APELA: variants seen among roughly 807,000 people sequenced by gnomAD.
The protein encoded by APELA is protein Elabela.
intron 2 of APELA, among the ~76,000 whole-genome samples, chr4:164,881,793 G>C (rs997558544): frequency 6.6e-6 from 1 of 151,842 alleles, no homozygotes; most frequent in Non-Finnish European, 1.5e-5. Flanking sequence ...CCAGCACTTT[G>C]GGAGGCAGAG....
intron 2 of APELA, among the ~76,000 whole-genome samples, chr4:164,882,173 G>A (rs1031115987): frequency 1.3e-5 from 2 of 151,690 alleles, no homozygotes; most frequent in Non-Finnish European, 2.9e-5. Context: ...GTGCCATCTC[G>A]GCTCACCGGA....
At chr4:164,882,751 C>G (rs745335212) in intron 2 of APELA, among the ~76,000 whole-genome samples, 3 of 152,046 alleles carry the variant, frequency 2.0e-5, no homozygotes, top group Non-Finnish European at 4.4e-5. Flanking sequence ...CCCCACTCCC[C>G]CCACCCCACA....
intron 2 of APELA, among the ~76,000 whole-genome samples, chr4:164,881,911 T>C (rs189185349): frequency 0.019 from 2,801 of 150,328 alleles, 81 homozygotes; most frequent in African/African-American, 0.064. Flanking sequence ...TGGTGGCGTG[T>C]GCCTCTAGTC....
intron 2 of APELA, among the ~76,000 whole-genome samples, chr4:164,886,839 G>A (rs116078598): frequency 0.11 from 16,490 of 150,304 alleles, 938 homozygotes; most frequent in Middle Eastern, 0.15. Context: ...TTTTTTTTTG[G>A]GACAGAGTTC....
chr4:164,890,788 C>T (rs548427335), intron 2 of APELA, among the ~76,000 whole-genome samples: 27 of 152,276 alleles, frequency 1.8e-4, no homozygotes, highest in African/African-American at 6.3e-4. Flanking sequence ...TATGGTTATG[C>T]TATGTGTAAC....
chr4:164,885,811 C>T (rs1560858826), intron 2 of APELA, among the ~76,000 whole-genome samples: 1 of 151,890 alleles, frequency 6.6e-6, no homozygotes, highest in Non-Finnish European at 1.5e-5. Flanking sequence ...AAATTTAAGA[C>T]TTGTTCTCAC....
intron 2 of APELA, among the ~76,000 whole-genome samples, chr4:164,894,612 C>T (rs1172796552): frequency 1.3e-5 from 2 of 152,014 alleles, no homozygotes; most frequent in African/African-American, 2.4e-5. Context: ...ACCATGTTGG[C>T]CAGGCTGGTC....
Position 164,897,232 on chromosome 4 carries a change from A to T in APELA, c.*1818A>T, listed in dbSNP as rs1730995093. On this transcript the variant is annotated 3_prime_UTR_variant, in exon 3 of 3. Transcript: ENST00000507152. ...ACACTGTCGAGTTTGTCTTCCTGTCAAAGCTTATTAAAAGTGTCTTTGCGG... is the reference window on the plus strand; with the variant it reads ...ACACTGTCGAGTTTGTCTTCCTGTCTAAGCTTATTAAAAGTGTCTTTGCGG... 3 of 152,232 alleles carry T rather than the reference A, an allele frequency of 2.0e-5. No individual in the cohort carries two copies. The highest frequency in any genetic ancestry group is 2.0e-4 in the Admixed American group (3 of 15,264). The allele number at this position is 152,232 out of a possible 1,614,324, so 9.4% of individuals were successfully genotyped here.
chr4:164,878,868 A>C (rs1238190053), intron 1 of APELA, 52 bp from the exon 2 acceptor site: 1 of 398,766 alleles, frequency 2.5e-6, no homozygotes, highest in African/African-American at 2.1e-5. Context: ...TAGATTAAAC[A>C]ACAATTAAGC....
intron 2 of APELA, among the ~76,000 whole-genome samples, chr4:164,889,902 A>G (rs1730848635): frequency 6.6e-6 from 1 of 152,224 alleles, no homozygotes; most frequent in South Asian, 2.1e-4. Context: ...AGTAATCTGC[A>G]AACAATTTAA....
chr4:164,885,886 C>T (rs1730761036), intron 2 of APELA, among the ~76,000 whole-genome samples: 1 of 152,090 alleles, frequency 6.6e-6, no homozygotes, highest in African/African-American at 2.4e-5. Flanking sequence ...CATTTTCTAT[C>T]TCTGTGGTGG....
downstream of APELA, among the ~76,000 whole-genome samples, chr4:164,897,999 T>C (rs1217833860): frequency 6.6e-6 from 1 of 152,132 alleles, no homozygotes; most frequent in African/African-American, 2.4e-5. Context: ...CAAGCGATTC[T>C]GGTGCTTCAG....
rs990208988 is a variant in APELA, at chr4:164,894,152, G to C, written c.*2-1264G>C. The stretch of plus-strand genomic sequence containing the variant: ...AGCCTGGCCAACATGGCAAAACCCT[G>C]TCTCTACTAAAAATACAAAAAAATT... On this transcript the variant is annotated intron_variant, in intron 2 of 2. Transcript: ENST00000507152. Among the ~76,000 whole-genome samples the C allele has an allele frequency of 5.3e-5, 8 of 152,160 alleles. No homozygotes were observed. The South Asian group carries it at 1.5e-3, about 28-fold the overall frequency.
chr4:164,897,602 G>C (rs376479897), downstream of APELA: 13 of 152,184 alleles, frequency 8.5e-5, no homozygotes, highest in Admixed American at 3.3e-4. Flanking sequence ...CCTGATGCCC[G>C]TCTCTGTTTC....
intron 2 of APELA, among the ~76,000 whole-genome samples, chr4:164,893,867 T>A (rs1730923817): frequency 6.6e-6 from 1 of 152,108 alleles, no homozygotes; most frequent in Admixed American, 6.6e-5. Context: ...TTTTTTCTTT[T>A]CTATATGTCC....
At chr4:164,883,576 T>G (rs1318014210) in intron 2 of APELA, among the ~76,000 whole-genome samples, 1 of 149,378 alleles carries the variant, frequency 6.7e-6, no homozygotes, top group Non-Finnish European at 1.5e-5. Flanking sequence ...AGCCTCAAAG[T>G]CTCAGGCTCA....
chr4:164,879,540 G>A (rs1354278140), intron 2 of APELA, among the ~76,000 whole-genome samples: 1 of 152,056 alleles, frequency 6.6e-6, no homozygotes, highest in Non-Finnish European at 1.5e-5. Flanking sequence ...AACCTCCCGG[G>A]CTCAAGTGAT....
At chr4:164,887,905 C>A (rs1208120816) in intron 2 of APELA, among the ~76,000 whole-genome samples, 2 of 152,172 alleles carry the variant, frequency 1.3e-5, no homozygotes, top group African/African-American at 4.8e-5. Context: ...AGCCACCGTG[C>A]CCAGTCTGAT....
Position 164,883,943 on chromosome 4 carries a change from G to T in APELA, c.*1+4934G>T, listed in dbSNP as rs146809690. 2.7e-3 allele frequency among the ~76,000 whole-genome samples: 394 copies of T among 143,576 alleles called. 3 individuals carry two copies. The highest frequency in any genetic ancestry group is 9.7e-3 in the African/African-American group (377 of 38,818). The allele number at this position is 143,576 out of a possible 152,430, so 94.2% of individuals were successfully genotyped here. On this transcript the variant is annotated intron_variant, in intron 2 of 2. Coordinates refer to ENST00000507152, the MANE Select transcript of APELA (RefSeq NM_001297550.2). ...AAAAAAAAAAAAAAGACAGAAAGACGAAAGAGACAAAGACAGAAAGAAAGA... is the reference window on the plus strand; with the variant it reads ...AAAAAAAAAAAAAAGACAGAAAGACTAAAGAGACAAAGACAGAAAGAAAGA...
Sources: allele counts gnomAD v4.1 joint callset (sites outside exome capture counted in the v4.1 genomes callset), GRCh38; gene constraint gnomAD v4.1.1; transcripts MANE v1.5; gene names NCBI Gene and HGNC (gene_info 2026-07-23, HGNC 2026-07-21).